The following PEAK1 variants were observed in gnomAD, a reference collection of about 807,000 sequenced individuals.
The protein encoded by PEAK1 is inactive tyrosine-protein kinase PEAK1.
PEAK1 carries 54 observed loss-of-function variants against 124.7 expected under a neutral mutation model. That is an observed-to-expected ratio of 0.43 (90% CI 0.35 to 0.54). The LOEUF is 0.54. PEAK1 is among the 20% of genes least tolerant of loss of function. The pLI is 0.01. For synonymous variants in PEAK1, 719 were observed against 760.0 expected (o/e 0.95, Z 0.89); for missense variants, 2,046 against 2,134.5 (o/e 0.96, Z 0.82).
At chr15:77,400,879 A>G (rs1312454580) in intron 1 of PEAK1, among the ~76,000 whole-genome samples, 1 of 152,128 alleles carries the variant, frequency 6.6e-6, no homozygotes, top group Non-Finnish European at 1.5e-5. Flanking sequence ...AATTTTTCTG[A>G]GATATTATTC....
intron 6 of PEAK1, among the ~76,000 whole-genome samples, chr15:77,210,273 T>G (rs1259936128): frequency 6.6e-6 from 1 of 152,206 alleles, no homozygotes; most frequent in East Asian, 1.9e-4. Flanking sequence ...ATCACTAAAG[T>G]TATTGGTAAT....
At chr15:77,326,579 A>C (rs1178852676) in intron 2 of PEAK1, among the ~76,000 whole-genome samples, 2 of 152,272 alleles carry the variant, frequency 1.3e-5, no homozygotes, top group Non-Finnish European at 2.9e-5. Flanking sequence ...GATACAAGGA[A>C]TATTTCTCTC....
chr15:77,408,830 G>C (rs190544470), intron 1 of PEAK1, among the ~76,000 whole-genome samples: 12 of 152,252 alleles, frequency 7.9e-5, no homozygotes, highest in Admixed American at 3.9e-4. Context: ...CAGCACTTTG[G>C]GAGGCTGAGG....
At position 77,181,830 on chromosome 15, in the gene PEAK1, G is replaced by C. The variant is rs1200254453; in HGVS notation, c.97C>G (p.Pro33Ala). Residue 33 changes from proline (P) to alanine (A), a missense_variant, in exon 7 of 10, where the codon CCT becomes GCT. By Grantham distance (27) the Pro-to-Ala change is conservative (BLOSUM62 -1). Coordinates refer to ENST00000682557, the MANE Select transcript of PEAK1 (RefSeq NM_001385026.1). ...CCATGGGTGATGGGTGCCTTCTCAGGGTCTGGGGGAAGCTGGTGCAAACTT... is the reference window on the plus strand; with the variant it reads ...CCATGGGTGATGGGTGCCTTCTCAGCGTCTGGGGGAAGCTGGTGCAAACTT... The part of the protein sequence containing the change: ...PKSLHQLPPD[P>A]EKAPITHGNV... The C allele has an allele frequency of 5.0e-6, 8 of 1,613,842 alleles. No homozygotes were observed. The highest frequency in any genetic ancestry group is 6.8e-6 in the Non-Finnish European group (8 of 1,179,794).
intron 2 of PEAK1, among the ~76,000 whole-genome samples, chr15:77,311,605 G>T (rs369271401): frequency 2.0e-5 from 3 of 149,842 alleles, no homozygotes; most frequent in African/African-American, 7.4e-5. Context: ...CCCAAGAAGC[G>T]GAGGTTGCAG....
In PEAK1 at chr15:77,395,373, G is replaced by A. The variant is rs572749030; in HGVS notation, c.-666+24633C>T. 3.3e-5 allele frequency among the ~76,000 whole-genome samples: 5 copies of A among 152,140 alleles called. No individual in the cohort carries two copies. In the East Asian group the frequency reaches 9.6e-4, roughly 29 times the overall value. On this transcript the variant is annotated intron_variant, in intron 1 of 9. Coordinates refer to ENST00000682557, the MANE Select transcript of PEAK1 (RefSeq NM_001385026.1). ...AAAGAGGAGGCAGAGAGAGAGAGGG[G>A]CAGGGATAGAAAGTTTATTCAAAGG... is the stretch of plus-strand genomic sequence containing the variant.
At chr15:77,403,214 T>G (rs2071524002) in intron 1 of PEAK1, 1 of 985,334 alleles carries the variant, frequency 1.0e-6, no homozygotes, top group Admixed American at 6.1e-5. Flanking sequence ...CTCAAACTGC[T>G]GATTGGGTAT....
intron 6 of PEAK1, among the ~76,000 whole-genome samples, chr15:77,205,416 T>C (rs1020717736): frequency 6.6e-6 from 1 of 152,172 alleles, no homozygotes; most frequent in African/African-American, 2.4e-5. Flanking sequence ...TTTTAGGATA[T>C]AGTTATATCC....
intron 6 of PEAK1, among the ~76,000 whole-genome samples, chr15:77,192,880 A>G (rs1413892525): frequency 6.6e-6 from 1 of 152,208 alleles, no homozygotes; most frequent in Non-Finnish European, 1.5e-5. Context: ...TAATCAGAAA[A>G]TAAAAATATG....
chr15:77,307,900 G>A (rs2152998140), intron 2 of PEAK1, among the ~76,000 whole-genome samples: 1 of 152,078 alleles, frequency 6.6e-6, no homozygotes, highest in Middle Eastern at 3.4e-3. Context: ...TCAGTGGGAA[G>A]GAATCAATAA....
chr15:77,270,147 T>C (rs912920005), intron 5 of PEAK1, among the ~76,000 whole-genome samples: 10 of 152,218 alleles, frequency 6.6e-5, no homozygotes, highest in African/African-American at 2.4e-4. Context: ...TAAGAGCTAT[T>C]TATGACAAAC....
chr15:77,186,341 T>C (rs2057545843), intron 6 of PEAK1, among the ~76,000 whole-genome samples: 1 of 152,180 alleles, frequency 6.6e-6, no homozygotes, highest in African/African-American at 2.4e-5. Flanking sequence ...TAGTAGATAA[T>C]AGTAAAAATA....
chr15:77,135,568 G>C (rs2053246753), intron 8 of PEAK1, among the ~76,000 whole-genome samples: 1 of 152,162 alleles, frequency 6.6e-6, no homozygotes, highest in Non-Finnish European at 1.5e-5. Flanking sequence ...TTAATTACTT[G>C]ATATGGTTTG....
chr15:77,403,498 T>C lies in PEAK1; in HGVS notation c.-666+16508A>G, dbSNP rs1032598897. ...TCCAGTAAAGAACTTAAATAAGAAATAGTACAAATCAAGCACAGTAATAAT... is the reference window on the plus strand; with the variant it reads ...TCCAGTAAAGAACTTAAATAAGAAACAGTACAAATCAAGCACAGTAATAAT... On this transcript the variant is annotated intron_variant, in intron 1 of 9. Transcript: ENST00000682557. 5 of 953,136 alleles carry C rather than the reference T, an allele frequency of 5.2e-6. No individual in the cohort carries two copies. The East Asian group carries it at 4.6e-4, about 88-fold the overall frequency. The allele number at this position is 953,136 out of a possible 1,614,324, so 59.0% of individuals were successfully genotyped here.
intron 1 of PEAK1, among the ~76,000 whole-genome samples, chr15:77,389,102 A>AAGGGTCCTTGGGCCTGAG (rs2070228033): frequency 6.6e-6 from 1 of 151,460 alleles, no homozygotes; most frequent in Admixed American, 6.6e-5. Flanking sequence ...GACTACAGAC[A>AAGGGTCCTTGGGCCTGAG]TGCACCAACT....
intron 1 of PEAK1, chr15:77,417,459 C>CGGGGGGGGG (rs745566711): frequency 5.3e-6 from 2 of 378,630 alleles, no homozygotes; most frequent in Non-Finnish European, 6.1e-6. Context: ...GGATGCGGGG[C>CGGGGGGGGG]GGGGGGGGAG....
rs1039518693 is a variant in PEAK1 at position 77,270,385 on chromosome 15, G to A, written c.-275+13498C>T. ...GATTGTATATCTAGAAAACCCCATCGTCTCAGCCCAAAATCTCCTTAAGCT... is the reference window on the plus strand; with the variant it reads ...GATTGTATATCTAGAAAACCCCATCATCTCAGCCCAAAATCTCCTTAAGCT... On this transcript the variant is annotated intron_variant, in intron 5 of 9. Transcript: ENST00000682557. Among the ~76,000 whole-genome samples, 21 of 152,234 alleles carry A rather than the reference G, an allele frequency of 1.4e-4. No homozygotes were observed. In the East Asian group the frequency reaches 1.7e-3, roughly 13 times the overall value.
chr15:77,296,794 A>G (rs1373988079), intron 2 of PEAK1, among the ~76,000 whole-genome samples: 1 of 151,738 alleles, frequency 6.6e-6, no homozygotes, highest in Admixed American at 6.6e-5. Context: ...AAAGAGGCCC[A>G]TATTTTTCTT....
intron 2 of PEAK1, among the ~76,000 whole-genome samples, chr15:77,309,994 T>C (rs2064340756): frequency 6.6e-6 from 1 of 152,194 alleles, no homozygotes. Flanking sequence ...TGAGTTGTCA[T>C]TTCACAAACA....
Sources: allele counts gnomAD v4.1 joint callset (sites outside exome capture counted in the v4.1 genomes callset), GRCh38; gene constraint gnomAD v4.1.1; transcripts MANE v1.5; gene names NCBI Gene and HGNC (gene_info 2026-07-23, HGNC 2026-07-21).